The following NRG1 variants were observed in gnomAD, a reference collection of about 807,000 sequenced individuals.
The protein encoded by NRG1 is pro-neuregulin-1, membrane-bound isoform.
NRG1 carries 18 observed loss-of-function variants against 63.8 expected under a neutral mutation model. The ratio of observed to expected loss-of-function variants is 0.28; its 90% CI spans 0.19 to 0.42. The LOEUF (loss-of-function observed/expected upper bound fraction) is 0.42, where lower values mean the gene tolerates loss of function less well. Ranked by LOEUF, NRG1 falls within the 10% of genes least tolerant of loss-of-function variation. NRG1 has a pLI of 1.00. For missense variants in NRG1, 762 were observed against 814.7 expected (o/e 0.94, Z 0.79); for synonymous variants, 302 against 301.3 (o/e 1.00, Z -0.02).
At chr8:31,886,372 A>G (rs774496696) in intron 1 of NRG1, among the ~76,000 whole-genome samples, 1 of 152,116 alleles carries the variant, frequency 6.6e-6, no homozygotes, top group Admixed American at 6.6e-5. Flanking sequence ...AGCTTTGCCA[A>G]TTTCACACAG....
At chr8:31,907,716 C>G (rs776909639) in intron 1 of NRG1, among the ~76,000 whole-genome samples, 17 of 152,110 alleles carry the variant, frequency 1.1e-4, no homozygotes, top group Admixed American at 1.0e-3. Context: ...AATAAACTTA[C>G]GTCTTCTTAG....
At chr8:32,303,026 A>C (rs887001418) in intron 1 of NRG1, among the ~76,000 whole-genome samples, 4 of 151,942 alleles carry the variant, frequency 2.6e-5, no homozygotes, top group Non-Finnish European at 4.4e-5. Context: ...TGCTAAAAAT[A>C]CAAAAATTAG....
chr8:31,800,837 C>CTTTTTTTTTTTTTTTTTTTTTTT (rs5890598), intron 1 of NRG1, among the ~76,000 whole-genome samples: 1 of 105,040 alleles, frequency 9.5e-6, no homozygotes, highest in African/African-American at 3.8e-5. Context: ...AGTCTCCTTT[C>CTTTTTTTTTTTTTTTTTTTTTTT]TTTTTTTTTT....
At chr8:32,554,252 T>C (rs1834673026) in intron 1 of NRG1, among the ~76,000 whole-genome samples, 2 of 152,214 alleles carry the variant, frequency 1.3e-5, no homozygotes, top group South Asian at 4.1e-4. Context: ...AAGGAACTAA[T>C]GATATTTTGG....
chr8:32,285,139 C>T (rs1340366293), intron 1 of NRG1, among the ~76,000 whole-genome samples: 1 of 152,124 alleles, frequency 6.6e-6, no homozygotes, highest in Non-Finnish European at 1.5e-5. Flanking sequence ...AGGCTCTGTC[C>T]AGAAATCAAT....
intron 1 of NRG1, among the ~76,000 whole-genome samples, chr8:31,783,237 A>C (rs1586380834): frequency 1.3e-5 from 2 of 152,368 alleles, no homozygotes; most frequent in East Asian, 3.9e-4. Context: ...AAACCAAAAC[A>C]CATCATAACC....
intron 1 of NRG1, among the ~76,000 whole-genome samples, chr8:31,763,193 A>G (rs1261012692): frequency 6.6e-6 from 1 of 152,230 alleles, no homozygotes; most frequent in Non-Finnish European, 1.5e-5. Flanking sequence ...GAAATCTATA[A>G]TAAACCTACA....
intron 1 of NRG1, among the ~76,000 whole-genome samples, chr8:31,900,807 A>G (rs1832015112): frequency 6.6e-6 from 1 of 152,184 alleles, no homozygotes; most frequent in Admixed American, 6.5e-5. Flanking sequence ...AGAATTTGCC[A>G]TCAGAGAAAC....
At chr8:32,178,563 T>G (rs934056588) in intron 1 of NRG1, among the ~76,000 whole-genome samples, 1 of 152,096 alleles carries the variant, frequency 6.6e-6, no homozygotes, top group Non-Finnish European at 1.5e-5. Context: ...TGAGCCAAGA[T>G]TGCATCATTG....
At position 31,973,457 on chromosome 8, in the gene NRG1, T is replaced by C. The variant is rs989534125; in HGVS notation, c.37+334026T>C. The stretch of plus-strand genomic sequence containing the variant: ...CCTGGGATTTATTCAAATTTCAGAA[T>C]TGAGAAGGGAGTAGAGAGATTCATA... On this transcript the variant is annotated intron_variant, in intron 1 of 10. Coordinates refer to the NRG1 transcript ENST00000519301. Among the ~76,000 whole-genome samples, 7 of 152,278 alleles carry C rather than the reference T, an allele frequency of 4.6e-5. No individual in the cohort carries two copies. In the East Asian group the frequency reaches 1.4e-3, roughly 29 times the overall value.
intron 1 of NRG1, among the ~76,000 whole-genome samples, chr8:32,298,756 C>T (rs143260377): frequency 0.055 from 8,120 of 148,048 alleles, 265 homozygotes; most frequent in South Asian, 0.07. Context: ...AGATCGGGTG[C>T]GGGGGCTCAC....
chr8:32,089,072 G>A (rs996184035), intron 1 of NRG1, among the ~76,000 whole-genome samples: 1 of 152,182 alleles, frequency 6.6e-6, no homozygotes, highest in Non-Finnish European at 1.5e-5. Context: ...AGGTATGTGT[G>A]TGTATGTGTG....
intron 1 of NRG1, among the ~76,000 whole-genome samples, chr8:31,738,976 A>G (rs947496081): frequency 5.3e-5 from 8 of 152,016 alleles, no homozygotes; most frequent in African/African-American, 1.7e-4. Flanking sequence ...GGGGGTTAGG[A>G]CTTTAACACA....
rs141643033 is a variant in NRG1 at position 32,172,990 on chromosome 8, G to T, written c.38-422838G>T. 3.9e-5 allele frequency among the ~76,000 whole-genome samples: 6 copies of T among 151,956 alleles called. No individual in the cohort carries two copies. The East Asian group carries it at 9.7e-4, about 25-fold the overall frequency. ...TTCAAATTCAGGAAATACAGAGAAC[G>T]CCACAAAGATACTCCTCGAGAAGAG... is the stretch of plus-strand genomic sequence containing the variant. On this transcript the variant is annotated intron_variant, in intron 1 of 10. Transcript: ENST00000519301.
At chr8:32,305,423 C>CAA (rs35476488) in intron 1 of NRG1, among the ~76,000 whole-genome samples, 11 of 150,930 alleles carry the variant, frequency 7.3e-5, no homozygotes, top group South Asian at 2.1e-4. Context: ...ACGAATTCTT[C>CAA]AAAAAAAAAT....
chr8:31,867,759 G>T (rs1164803700), intron 1 of NRG1, among the ~76,000 whole-genome samples: 1 of 151,888 alleles, frequency 6.6e-6, no homozygotes, highest in East Asian at 1.9e-4. Context: ...TTAATTCCTG[G>T]CTTAAGAATT....
chr8:32,200,918 G>GCAGCAA (rs1171983425), intron 1 of NRG1, among the ~76,000 whole-genome samples: 2 of 152,118 alleles, frequency 1.3e-5, no homozygotes, highest in African/African-American at 2.4e-5. Context: ...ACCTGGCTGT[G>GCAGCAA]CAGCAACAGA....
At chr8:32,710,387 GTCAA>G (rs1378814029) in intron 5 of NRG1, among the ~76,000 whole-genome samples, 1 of 152,082 alleles carries the variant, frequency 6.6e-6, no homozygotes, top group Admixed American at 6.6e-5. Context: ...TTGCATTGCG[GTCAA>G]TCAGAGATCT....
At chr8:32,467,807 C>T (rs1018455388) in intron 1 of NRG1, among the ~76,000 whole-genome samples, 4 of 152,178 alleles carry the variant, frequency 2.6e-5, no homozygotes, top group African/African-American at 9.7e-5. Flanking sequence ...TCAGAAACGG[C>T]CTCAGGGATT....
Sources: allele counts gnomAD v4.1 joint callset (sites outside exome capture counted in the v4.1 genomes callset), GRCh38; gene constraint gnomAD v4.1.1; transcripts MANE v1.5; gene names NCBI Gene and HGNC (gene_info 2026-07-23, HGNC 2026-07-21).